Variants in NRAP observed in about 807,000 individuals in gnomAD.
The protein encoded by NRAP is nebulin related anchoring protein.
In NRAP, 189 loss-of-function variants were observed where a neutral mutation model predicts 225.9. The ratio of observed to expected loss-of-function variants is 0.84; its 90% confidence interval spans 0.74 to 0.94. The LOEUF is 0.94. Among genes scored for constraint, NRAP ranks in the 40% least tolerant of loss-of-function variants. The pLI, the probability that NRAP is intolerant of heterozygous loss-of-function variation, is 0.00. For synonymous variants in NRAP, 769 were observed against 790.7 expected (o/e 0.97, Z 0.46); for missense variants, 2,176 against 2,168.7 (o/e 1.00, Z -0.07).
At chr10:113,624,643 C>T (rs990840297) in intron 22 of NRAP, among the ~76,000 whole-genome samples, 183 bp downstream of exon 22, 1 of 152,184 alleles carries the variant, frequency 6.6e-6, no homozygotes, top group Non-Finnish European at 1.5e-5. Context: ...TGAAAGCTGT[C>T]CTCCTCTCCC....
chr10:113,609,733 G>A (rs1847210690), intron 31 of NRAP, among the ~76,000 whole-genome samples: 1 of 151,752 alleles, frequency 6.6e-6, no homozygotes, highest in African/African-American at 2.4e-5. Context: ...AGAGGTGTAG[G>A]TCACTGGCTT....
chr10:113,595,891 A>G (rs1257885837), intron 37 of NRAP, among the ~76,000 whole-genome samples, 164 bp from the exon 38 acceptor site: 1 of 152,122 alleles, frequency 6.6e-6, no homozygotes, highest in African/African-American at 2.4e-5. Flanking sequence ...CCACAATTTG[A>G]TGGAAGATGC....
At chr10:113,645,031 C>T (rs1455563635) in intron 11 of NRAP, among the ~76,000 whole-genome samples, 2 of 152,096 alleles carry the variant, frequency 1.3e-5, no homozygotes, top group Admixed American at 6.5e-5. Flanking sequence ...ACGTCTTAAA[C>T]GGTGGGCAAG....
rs1849120191 is a variant in NRAP at position 113,640,246 on chromosome 10, T to C, written c.1409A>G (p.Lys470Arg). The C allele has an allele frequency of 6.2e-7, 1 of 1,602,206 alleles. No homozygotes were observed. Among genetic ancestry groups the C allele is most frequent in the Non-Finnish European group, 8.5e-7 (1 of 1,172,916 alleles). ...ACTTACATCTTTCAAGGGCACCAGTTTCATAGCTGTTTGATAGGAAGGCGT... is the reference window on the plus strand; with the variant it reads ...ACTTACATCTTTCAAGGGCACCAGTCTCATAGCTGTTTGATAGGAAGGCGT... ...TLTPSYQTAM[K>R]LVPLKDANYR... The change falls in exon 14 of 42, where the codon AAA (lysine) becomes AGA (arginine). Residue 470 changes from lysine to arginine, a missense_variant. Around this residue, in one of 3 missense-constraint regions of NRAP, gnomAD observed 1,708 missense variants for 1,695.5 expected, o/e 1.01. Transcript: ENST00000359988.
intron 36 of NRAP, 121 bp from the exon 37 acceptor site, chr10:113,597,305 C>T: frequency 2.9e-6 from 2 of 690,648 alleles, no homozygotes; most frequent in South Asian, 1.7e-5. Context: ...GAAAACAAGC[C>T]TTTCTTCTTG....
At chr10:113,650,397 C>G in intron 8 of NRAP, 41 bp downstream of exon 8, 1 of 1,439,784 alleles carries the variant, frequency 6.9e-7, no homozygotes, top group Non-Finnish European at 9.8e-7. Context: ...GTTCACATTC[C>G]TCTTTCTCCC....
intron 27 of NRAP, 90 bp from the exon 28 acceptor site, chr10:113,615,036 G>A (rs920925371): frequency 1.2e-5 from 10 of 808,898 alleles, no homozygotes; most frequent in African/African-American, 1.0e-4. Flanking sequence ...CTGGTTTGTG[G>A]TGGGTCCCCT....
intron 31 of NRAP, among the ~76,000 whole-genome samples, chr10:113,609,636 G>C (rs549985379): frequency 6.6e-6 from 1 of 152,196 alleles, no homozygotes; most frequent in Non-Finnish European, 1.5e-5. Flanking sequence ...GAAAAGCACA[G>C]TGCTTAGATT....
Position 113,624,828 on chromosome 10 carries a change from C to G in NRAP, c.2347G>C (p.Glu783Gln). 1 of 1,611,820 alleles carries G rather than the reference C, an allele frequency of 6.2e-7. No individual in the cohort carries two copies. Among genetic ancestry groups the G allele is most frequent in the Non-Finnish European group, 8.5e-7 (1 of 1,177,946 alleles). The change falls in exon 22 of 42, where the codon GAG becomes CAG. Residue 783 changes from glutamate (E) to glutamine (Q), a missense_variant and splice_region_variant. Around this residue, in one of 3 missense-constraint regions of NRAP, gnomAD observed 1,708 missense variants for 1,695.5 expected, o/e 1.01. Coordinates refer to ENST00000359988, the MANE Select transcript of NRAP (RefSeq NM_198060.4). ...QARANAANLS[E>Q]KLYKSSWENQ... Reference sequence around the variant, plus strand: ...CTGCCCACTCATTCTCTCTGTACCTCGCTGAGATTTGCAGCATTGGCTCGG... The same window carrying G: ...CTGCCCACTCATTCTCTCTGTACCTGGCTGAGATTTGCAGCATTGGCTCGG...
At chr10:113,635,462 A>G (rs1393140108) in intron 14 of NRAP, among the ~76,000 whole-genome samples, 1 of 152,180 alleles carries the variant, frequency 6.6e-6, no homozygotes, top group African/African-American at 2.4e-5. Context: ...GAGTCTCACT[A>G]TGTCACCTAG....
intron 15 of NRAP, 123 bp from the exon 16 acceptor site, chr10:113,633,311 A>C: frequency 1.6e-6 from 1 of 624,096 alleles, no homozygotes; most frequent in South Asian, 1.9e-5. Context: ...GGCATTTTAC[A>C]AGGCAGCCTG....
intron 24 of NRAP, among the ~76,000 whole-genome samples, chr10:113,621,473 G>A (rs1229997467): frequency 3.3e-5 from 5 of 152,134 alleles, no homozygotes; most frequent in Non-Finnish European, 5.9e-5. Context: ...AAGGGTTATT[G>A]AAAATTAGCA....
chr10:113,661,305 T>C (rs1592890616), intron 3 of NRAP, among the ~76,000 whole-genome samples: 1 of 152,214 alleles, frequency 6.6e-6, no homozygotes, highest in East Asian at 1.9e-4. Flanking sequence ...TATATATGCT[T>C]GTTAAATAAA....
chr10:113,589,585 A>T (rs1256364418), intron 41 of NRAP, 81 bp downstream of exon 41: 1 of 1,529,832 alleles, frequency 6.5e-7, no homozygotes, highest in African/African-American at 1.4e-5. Flanking sequence ...TTGGCCAAAA[A>T]TAAACTTTGA....
chr10:113,594,239 C>G (rs1295986715), intron 38 of NRAP, among the ~76,000 whole-genome samples: 1 of 152,228 alleles, frequency 6.6e-6, no homozygotes, highest in East Asian at 1.9e-4. Context: ...CACTTTCCCT[C>G]CACATCTTCC....
At chr10:113,609,521 A>T (rs1847197112) in intron 31 of NRAP, among the ~76,000 whole-genome samples, 1 of 152,240 alleles carries the variant, frequency 6.6e-6, no homozygotes, top group Non-Finnish European at 1.5e-5. Flanking sequence ...GGTGAGCAAG[A>T]TTCCCCAGGA....
In NRAP at chr10:113,650,123, A is replaced by G; in HGVS notation, c.802T>C (p.Tyr268His). The change falls in exon 9 of 42, where the codon TAT becomes CAT. Residue 268 changes from tyrosine to histidine, a missense_variant. Transcript: ENST00000359988. ...LASDVRYHQQ[Y>H]QKEMRGMAGP... The stretch of plus-strand genomic sequence containing the variant: ...GCCATTCCCCTCATTTCTTTTTGAT[A>G]TTGTTGATGGTACCTCACCTGTTTT... 1 of 1,610,178 alleles carries G rather than the reference A, an allele frequency of 6.2e-7. No individual in the cohort carries two copies. Among genetic ancestry groups the G allele is most frequent in the African/African-American group, 1.3e-5 (1 of 74,948 alleles).
At chr10:113,658,108 C>A (rs1488705113) in intron 3 of NRAP, among the ~76,000 whole-genome samples, 1 of 152,160 alleles carries the variant, frequency 6.6e-6, no homozygotes, top group African/African-American at 2.4e-5. Context: ...ATGAAAAGAT[C>A]ATTCTTGCTA....
intron 9 of NRAP, among the ~76,000 whole-genome samples, chr10:113,647,668 C>T (rs892072667): frequency 5.9e-3 from 819 of 139,936 alleles, no homozygotes; most frequent in Middle Eastern, 0.012. Flanking sequence ...CTGCCTCCCC[C>T]GGTGGTGCTG....
Sources: gnomAD v4.1 joint callset for allele counts (sites outside exome capture counted in the v4.1 genomes callset) on GRCh38, gnomAD v4.1.1 for gene constraint, gnomAD v4.1.1 regional missense constraint, MANE v1.5 for transcripts, NCBI Gene and HGNC (gene_info 2026-07-23, HGNC 2026-07-21) for gene names.